The following MAP3K13 variants were observed in gnomAD, a reference collection of about 807,000 sequenced individuals.
MAP3K13 encodes the protein mitogen-activated protein kinase kinase kinase 13.
In MAP3K13, 52 loss-of-function variants were observed where a neutral mutation model predicts 104.0. The ratio of observed to expected loss-of-function variants is 0.50; its 90% CI spans 0.40 to 0.63. The LOEUF (loss-of-function observed/expected upper bound fraction) is 0.63, where lower values mean the gene tolerates loss of function less well. MAP3K13 is among the 20% of genes least tolerant of loss of function. The pLI, the probability that MAP3K13 is intolerant of heterozygous loss-of-function variation, is 0.00. For missense variants in MAP3K13, 914 were observed against 1,218.5 expected, an observed-to-expected ratio of 0.75 and a Z score of 3.72; for synonymous variants, 394 against 442.2, an observed-to-expected ratio of 0.89 and a Z score of 1.37.
chr3:185,356,983 T>C (rs1723383305), intron 2 of MAP3K13, among the ~76,000 whole-genome samples: 1 of 152,172 alleles, frequency 6.6e-6, no homozygotes, highest in South Asian at 2.1e-4. Context: ...GATGTTTTGG[T>C]CTTTAATTAT....
intron 1 of MAP3K13, among the ~76,000 whole-genome samples, chr3:185,403,117 ATTG>A (rs1280016997): frequency 6.6e-6 from 1 of 152,240 alleles, no homozygotes; most frequent in Non-Finnish European, 1.5e-5. Flanking sequence ...TGCTTTGGAA[ATTG>A]TTAGTAGACT....
At chr3:185,385,224 C>T (rs1462309057) in intron 1 of MAP3K13, among the ~76,000 whole-genome samples, 2 of 152,166 alleles carry the variant, frequency 1.3e-5, no homozygotes, top group African/African-American at 4.8e-5. Context: ...AATCTTGGCT[C>T]ACTGCAACCT....
At chr3:185,452,270 C>T (rs527617103) in intron 7 of MAP3K13, among the ~76,000 whole-genome samples, 4 of 152,274 alleles carry the variant, frequency 2.6e-5, no homozygotes, top group Admixed American at 6.5e-5. Context: ...GTCAACCAGG[C>T]AGGAGTACCG....
At chr3:185,309,856 A>AT (rs1359605232) in intron 2 of MAP3K13, among the ~76,000 whole-genome samples, 1 of 152,170 alleles carries the variant, frequency 6.6e-6, no homozygotes, top group Non-Finnish European at 1.5e-5. Flanking sequence ...TCCTCCACAG[A>AT]TATAAGGCAA....
intron 2 of MAP3K13, among the ~76,000 whole-genome samples, chr3:185,323,390 G>C (rs188326057): frequency 2.0e-5 from 3 of 146,528 alleles, no homozygotes; most frequent in Admixed American, 6.9e-5. Context: ...AGGCCGGAGT[G>C]CAATGGCGCG....
At chr3:185,455,586 T>TATATATGAGATATATATCATATATATG (rs1716565586) in intron 7 of MAP3K13, among the ~76,000 whole-genome samples, 1 of 14,664 alleles carries the variant, frequency 6.8e-5, no homozygotes, top group Admixed American at 1.1e-3. Context: ...ATATATATGA[T>TATATATGAGATATATATCATATATATG]ATATATGAGA....
rs1717902038 is a variant in MAP3K13, at chr3:185,473,111, A to C, written c.1780A>C (p.Asn594His). The C allele has an allele frequency of 2.5e-6, 4 of 1,614,084 alleles. No homozygotes were observed. The highest frequency in any genetic ancestry group is 3.4e-6 in the Non-Finnish European group (4 of 1,180,050). ...AAGCAAACCACGCCACCGCCGAGGG[A>C]ATAGCAGAGGCAGCCATAGTGACTT... ...YRSKPRHRRG[N>H]SRGSHSDFAA... The change falls in exon 11 of 14, where the codon AAT (asparagine) becomes CAT (histidine). Residue 594 changes from asparagine (N) to histidine (H), a missense_variant. This residue lies in a region of MAP3K13 where 583 missense variants were observed against 737.4 expected (regional missense o/e 0.79). Transcript: ENST00000265026. This position sits in a 1 kb window ranked among gnomAD's most constrained non-coding sequence, Gnocchi z 4.9.
chr3:185,453,834 T>TG (rs1560115582), intron 7 of MAP3K13, among the ~76,000 whole-genome samples: 2 of 25,068 alleles, frequency 8.0e-5, no homozygotes, highest in Admixed American at 7.4e-4. Context: ...GAGATATATA[T>TG]ATATGATACA....
chr3:185,364,115 G>A (rs1723764594), intron 1 of MAP3K13, among the ~76,000 whole-genome samples: 1 of 152,314 alleles, frequency 6.6e-6, no homozygotes, highest in Non-Finnish European at 1.5e-5. Context: ...GCACATGAGT[G>A]TTTTCCTAAG....
chr3:185,425,699 C>A (rs964181067), intron 1 of MAP3K13, among the ~76,000 whole-genome samples: 1 of 152,168 alleles, frequency 6.6e-6, no homozygotes, highest in Non-Finnish European at 1.5e-5. Context: ...CATAATCTAG[C>A]CTTTGCCTAC....
chr3:185,473,828 T>A lies in MAP3K13; in HGVS notation c.2430+67T>A. On this transcript the variant is annotated intron_variant, in intron 11 of 13. Coordinates refer to ENST00000265026, the MANE Select transcript of MAP3K13 (RefSeq NM_004721.5). The surrounding 1 kb of genome is among the most constrained non-coding windows in gnomAD (Gnocchi z 4.9). ...AAGAATGCCAGAGCCTGTCATGTTA[T>A]ACACATTAGAGAGCATATGTAAAAA... is the stretch of plus-strand genomic sequence containing the variant. The A allele has an allele frequency of 6.8e-7, 1 of 1,467,314 alleles. No homozygotes were observed. The highest frequency in any genetic ancestry group is 9.2e-7 in the Non-Finnish European group (1 of 1,084,334). 90.9% of individuals were successfully genotyped at this position (1,467,314 alleles called of 1,614,324 possible).
chr3:185,284,571 T>C (rs908006386), intron 1 of MAP3K13, among the ~76,000 whole-genome samples: 1 of 151,854 alleles, frequency 6.6e-6, no homozygotes, highest in Non-Finnish European at 1.5e-5. Context: ...TGGAAAAAAT[T>C]AGCCGGGCGG....
chr3:185,287,635 G>A (rs1720572331), intron 2 of MAP3K13, among the ~76,000 whole-genome samples: 1 of 152,030 alleles, frequency 6.6e-6, no homozygotes, highest in African/African-American at 2.4e-5. Context: ...GATTTTATTA[G>A]AAACTTGCTT....
chr3:185,383,641 G>C (rs1711522425), intron 1 of MAP3K13, among the ~76,000 whole-genome samples: 1 of 151,404 alleles, frequency 6.6e-6, no homozygotes, highest in Non-Finnish European at 1.5e-5. Context: ...GCACATACTG[G>C]TACCCCTTCA....
chr3:185,315,149 C>G lies in MAP3K13; in HGVS notation c.-86+29506C>G, dbSNP rs977776143. ...CTTGTAATCCCAGCTAATCGTGAGGCTGAGGCAGGAGAATTGCTTGAACCT... is the reference window on the plus strand; with the variant it reads ...CTTGTAATCCCAGCTAATCGTGAGGGTGAGGCAGGAGAATTGCTTGAACCT... On this transcript the variant is annotated intron_variant, in intron 2 of 14. Coordinates refer to the MAP3K13 transcript ENST00000424227. This position sits in a 1 kb window ranked among gnomAD's most constrained non-coding sequence, Gnocchi z 4.3. Among the ~76,000 whole-genome samples the G allele has an allele frequency of 3.0e-4, 46 of 152,084 alleles. No individual in the cohort carries two copies. The highest frequency in any genetic ancestry group is 1.1e-3 in the African/African-American group (46 of 41,392).
rs749201395 is a variant in MAP3K13 at position 185,480,311 on chromosome 3, G to A, written c.2581G>A (p.Gly861Arg). 11 of 1,614,086 alleles carry A rather than the reference G, an allele frequency of 6.8e-6. No homozygotes were observed. In the African/African-American group the frequency reaches 1.5e-4, roughly 22 times the overall value. ...ENFSVSDGEE[G>R]NTSDHSNSPD... ...TTTCTCTGTGTCTGATGGAGAAGAG[G>A]GAAATACCAGTGACCACTCAAACAG... The change falls in exon 13 of 14, where the codon GGA becomes AGA. Residue 861 changes from glycine (G) to arginine (R), a missense_variant. This residue lies in a region of MAP3K13 where 583 missense variants were observed against 737.4 expected (regional missense o/e 0.79). Coordinates refer to ENST00000265026, the MANE Select transcript of MAP3K13 (RefSeq NM_004721.5).
intron 7 of MAP3K13, among the ~76,000 whole-genome samples, chr3:185,463,163 C>T (rs553392126): frequency 6.6e-6 from 1 of 152,346 alleles, no homozygotes; most frequent in Admixed American, 6.5e-5. Context: ...ATCTCACATG[C>T]ACACATACGT....
chr3:185,363,248 G>C lies in MAP3K13; in HGVS notation c.-206G>C, dbSNP rs1723719949. 1.0e-6 allele frequency: 1 copy of C among 985,372 alleles called. No individual in the cohort carries two copies. The highest frequency in any genetic ancestry group is 1.7e-5 in the African/African-American group (1 of 57,340). 61.0% of individuals were successfully genotyped at this position (985,372 alleles called of 1,614,324 possible). On this transcript the variant is annotated 5_prime_UTR_variant, in exon 1 of 14. Transcript: ENST00000265026. ...TGGGCTCCTTTGCGGTGGGCTGGAG[G>C]ATTGTGTGGGTGGAATCCCCCTCCC...
At chr3:185,477,481 G>T in intron 12 of MAP3K13, 85 bp downstream of exon 12, 1 of 981,594 alleles carries the variant, frequency 1.0e-6, no homozygotes. Flanking sequence ...TTCAACCACA[G>T]GTGATTCCCT....
Sources: gnomAD v4.1 joint callset for allele counts (sites outside exome capture counted in the v4.1 genomes callset) on GRCh38, gnomAD v4.1.1 for gene constraint, gnomAD v4.1.1 regional missense constraint, Gnocchi (gnomAD v3.1) non-coding constraint, MANE v1.5 for transcripts, NCBI Gene and HGNC (gene_info 2026-07-23, HGNC 2026-07-21) for gene names.